The following SLC2A13 variants were observed in gnomAD, a reference collection of about 807,000 sequenced individuals.
The protein encoded by SLC2A13 is proton myo-inositol cotransporter.
A neutral mutation model predicts 64.4 loss-of-function variants in SLC2A13; 32 were observed. The ratio of observed to expected loss-of-function variants is 0.50; its 90% confidence interval spans 0.37 to 0.67. SLC2A13 has a LOEUF of 0.67. SLC2A13 is among the 30% of genes least tolerant of loss of function. The pLI, the probability that SLC2A13 is intolerant of heterozygous loss-of-function variation, is 0.00. For synonymous variants in SLC2A13, 338 were observed against 327.1 expected (o/e 1.03, Z -0.36); for missense variants, 743 against 829.2 (o/e 0.90, Z 1.28).
intron 3 of SLC2A13, among the ~76,000 whole-genome samples, chr12:39,970,914 CA>C (rs1442864589): frequency 2.0e-5 from 3 of 152,048 alleles, no homozygotes; most frequent in Admixed American, 2.0e-4. Context: ...CCCTTGTGAA[CA>C]ATAAGAATCA....
intron 7 of SLC2A13, among the ~76,000 whole-genome samples, chr12:39,811,055 G>T (rs2135804899): frequency 6.6e-6 from 1 of 152,014 alleles, no homozygotes. Flanking sequence ...TTTTCTTTGT[G>T]GGGAGATTTT....
At chr12:39,830,442 G>A in intron 6 of SLC2A13, 12 of 1,271,482 alleles carry the variant, frequency 9.4e-6, no homozygotes, top group Non-Finnish European at 1.2e-5. Context: ...AGCAACTTTG[G>A]AAGTCACTTT....
At chr12:39,984,777 T>C (rs938028690) in intron 3 of SLC2A13, among the ~76,000 whole-genome samples, 3 of 152,154 alleles carry the variant, frequency 2.0e-5, no homozygotes, top group Admixed American at 6.6e-5. Context: ...CCTACAGGGA[T>C]TCAGATATTT....
intron 7 of SLC2A13, among the ~76,000 whole-genome samples, chr12:39,828,796 A>C (rs963916121): frequency 6.6e-6 from 1 of 152,118 alleles, no homozygotes; most frequent in African/African-American, 2.4e-5. Flanking sequence ...TTAATCAATT[A>C]ACTCACTAAC....
intron 7 of SLC2A13, among the ~76,000 whole-genome samples, chr12:39,809,466 A>G (rs1008237647): frequency 2.0e-5 from 3 of 152,144 alleles, no homozygotes; most frequent in Non-Finnish European, 4.4e-5. Flanking sequence ...GAATTACTTG[A>G]GTTGATCTAG....
Position 40,028,482 on chromosome 12 carries a change from C to T in SLC2A13, c.744G>A (p.Pro248=), listed in dbSNP as rs751036173. The change falls in exon 3 of 10, where the codon CCG becomes CCA. Residue 248 remains proline (P), a synonymous_variant. Transcript: ENST00000280871. ...WRYMLGLAAV[P]AVIQFFGFLF... ...GAAAGCCAAAAAACTGTATAACCGCCGGAACTGCTGCAAGTCCCAACATGT... is the reference window on the plus strand; with the variant it reads ...GAAAGCCAAAAAACTGTATAACCGCTGGAACTGCTGCAAGTCCCAACATGT... 145 of 1,613,768 alleles carry T rather than the reference C, an allele frequency of 9.0e-5. No individual in the cohort carries two copies. Among genetic ancestry groups the T allele is most frequent in the Non-Finnish European group, 1.2e-4 (137 of 1,179,908 alleles).
chr12:39,796,893 C>T (rs1468458122), intron 7 of SLC2A13, among the ~76,000 whole-genome samples: 1 of 152,124 alleles, frequency 6.6e-6, no homozygotes, highest in Non-Finnish European at 1.5e-5. Context: ...CCTTATAACA[C>T]ATTTCTAGAA....
intron 4 of SLC2A13, among the ~76,000 whole-genome samples, chr12:39,942,116 A>T (rs892476981): frequency 6.6e-6 from 1 of 152,122 alleles, no homozygotes; most frequent in African/African-American, 2.4e-5. Flanking sequence ...CTATGGCCTT[A>T]CAGTATAGTT....
At chr12:40,040,231 T>C (rs902314333) in intron 2 of SLC2A13, among the ~76,000 whole-genome samples, 4 of 152,202 alleles carry the variant, frequency 2.6e-5, no homozygotes, top group African/African-American at 9.7e-5. Context: ...ATCCCGTAAA[T>C]AACATTGTAT....
chr12:39,927,818 C>A (rs766149057), intron 4 of SLC2A13, among the ~76,000 whole-genome samples: 5 of 152,134 alleles, frequency 3.3e-5, no homozygotes, highest in Non-Finnish European at 7.4e-5. Context: ...GCCAGAGATA[C>A]ACAACATGAT....
intron 1 of SLC2A13, among the ~76,000 whole-genome samples, chr12:40,081,092 C>T (rs1180866771): frequency 2.0e-5 from 3 of 152,186 alleles, no homozygotes; most frequent in Non-Finnish European, 4.4e-5. Context: ...ATGAGATTCT[C>T]TTTGTATATG....
At chr12:40,098,186 G>C (rs1939027154) in intron 1 of SLC2A13, among the ~76,000 whole-genome samples, 1 of 152,032 alleles carries the variant, frequency 6.6e-6, no homozygotes. Context: ...TTTAAAAAGA[G>C]GGAAACTCTA....
At chr12:39,918,261 A>G (rs549742685) in intron 4 of SLC2A13, among the ~76,000 whole-genome samples, 1 of 152,146 alleles carries the variant, frequency 6.6e-6, no homozygotes, top group Admixed American at 6.5e-5. Context: ...AAACCCCAAG[A>G]GTTAATATGG....
chr12:39,889,235 T>A (rs1239702731), intron 4 of SLC2A13, among the ~76,000 whole-genome samples: 3 of 152,114 alleles, frequency 2.0e-5, no homozygotes, highest in African/African-American at 4.8e-5. Context: ...TATATCACCA[T>A]CAGTTAAAAC....
intron 3 of SLC2A13, among the ~76,000 whole-genome samples, chr12:39,967,711 T>C (rs1432573944): frequency 1.3e-5 from 2 of 152,192 alleles, no homozygotes; most frequent in African/African-American, 2.4e-5. Context: ...CTTAGCCTAT[T>C]GGTATAAAGC....
At chr12:40,057,427 G>A (rs1171309978) in intron 1 of SLC2A13, among the ~76,000 whole-genome samples, 2 of 152,112 alleles carry the variant, frequency 1.3e-5, no homozygotes, top group African/African-American at 4.8e-5. Context: ...AAAACAGCTT[G>A]TCCATAAAGT....
intron 4 of SLC2A13, among the ~76,000 whole-genome samples, chr12:39,921,554 T>C (rs1945615864): frequency 6.6e-6 from 1 of 152,078 alleles, no homozygotes; most frequent in African/African-American, 2.4e-5. Context: ...CAGTCCATGA[T>C]TGGTGAAGAA....
chr12:40,062,225 G>C (rs1948434855), intron 1 of SLC2A13, among the ~76,000 whole-genome samples: 2 of 152,066 alleles, frequency 1.3e-5, no homozygotes, highest in South Asian at 4.1e-4. Flanking sequence ...AGATCAGATA[G>C]GTGGTCTTGT....
intron 4 of SLC2A13, among the ~76,000 whole-genome samples, chr12:39,911,173 T>C (rs975478662): frequency 2.0e-5 from 3 of 152,076 alleles, no homozygotes; most frequent in Non-Finnish European, 2.9e-5. Flanking sequence ...CTAATATGTG[T>C]TCCTGCTAGA....
Sources: gnomAD v4.1 joint callset for allele counts (sites outside exome capture counted in the v4.1 genomes callset) on GRCh38, gnomAD v4.1.1 for gene constraint, MANE v1.5 for transcripts, NCBI Gene and HGNC (gene_info 2026-07-23, HGNC 2026-07-21) for gene names.